ELMO1: variants seen among roughly 807,000 people sequenced by gnomAD.
The protein encoded by ELMO1 is engulfment and cell motility 1.
ELMO1 carries 26 observed loss-of-function variants against 98.9 expected under a neutral mutation model. That is an observed-to-expected ratio of 0.26 (90% CI 0.19 to 0.36). The LOEUF (loss-of-function observed/expected upper bound fraction) is 0.36, where lower values mean the gene tolerates loss of function less well. Ranked by LOEUF, ELMO1 falls within the 10% of genes least tolerant of loss-of-function variation. The probability of loss-of-function intolerance (pLI) is 1.00; values close to 1 mark genes in which losing one functional copy is unlikely to be tolerated. For missense variants in ELMO1, 627 were observed against 935.2 expected (o/e 0.67, Z 4.30); for synonymous variants, 346 against 346.0 (o/e 1.00, Z 0.00).
intron 15 of ELMO1, among the ~76,000 whole-genome samples, chr7:37,076,142 T>C (rs1326399715): frequency 6.6e-6 from 1 of 152,204 alleles, no homozygotes; most frequent in Non-Finnish European, 1.5e-5. Context: ...GAAACCACTA[T>C]CCAAAATTCA....
chr7:37,119,887 C>T (rs1423606830), intron 14 of ELMO1, among the ~76,000 whole-genome samples: 1 of 152,116 alleles, frequency 6.6e-6, no homozygotes, highest in Non-Finnish European at 1.5e-5. Context: ...AAATGTTAAT[C>T]ATAAATTATG....
intron 15 of ELMO1, among the ~76,000 whole-genome samples, chr7:37,043,131 C>T (rs988212798): frequency 6.6e-6 from 1 of 152,170 alleles, no homozygotes. Flanking sequence ...GCAGACAATG[C>T]CGGGAGCCTC....
chr7:37,325,875 A>G (rs560566014), intron 2 of ELMO1, among the ~76,000 whole-genome samples: 4 of 152,330 alleles, frequency 2.6e-5, no homozygotes, highest in African/African-American at 9.6e-5. Flanking sequence ...TTTAATGTAC[A>G]ATAAGCCATC....
At chr7:37,148,961 T>C (rs73337740) in intron 13 of ELMO1, among the ~76,000 whole-genome samples, 3,002 of 152,316 alleles carry the variant, frequency 0.02, 93 homozygotes, top group African/African-American at 0.068. Flanking sequence ...ACACAGCACA[T>C]GTGCAAACAT....
At chr7:36,902,588 A>G (rs1008151203) in intron 16 of ELMO1, among the ~76,000 whole-genome samples, 16 of 152,318 alleles carry the variant, frequency 1.1e-4, no homozygotes, top group Non-Finnish European at 2.4e-4. Context: ...AACTTTCTCT[A>G]TTGGTTTTCT....
At chr7:36,862,072 A>T in intron 20 of ELMO1, 1 of 284,660 alleles carries the variant, frequency 3.5e-6, no homozygotes, top group Non-Finnish European at 6.8e-6. Context: ...AAACTGTGTT[A>T]TTCTCCTTTC....
At chr7:37,221,626 T>G (rs1019881941) in intron 10 of ELMO1, among the ~76,000 whole-genome samples, 5 of 152,262 alleles carry the variant, frequency 3.3e-5, no homozygotes, top group East Asian at 1.9e-4. Context: ...AAGAAAGAAA[T>G]AAAGGATCTA....
chr7:37,286,905 G>T (rs1797419419), intron 4 of ELMO1, among the ~76,000 whole-genome samples: 1 of 152,102 alleles, frequency 6.6e-6, no homozygotes, highest in Non-Finnish European at 1.5e-5. Flanking sequence ...TTTAAAAATT[G>T]TATCATAGGC....
At chr7:36,925,220 T>C (rs567704078) in intron 16 of ELMO1, among the ~76,000 whole-genome samples, 1 of 152,306 alleles carries the variant, frequency 6.6e-6, no homozygotes, top group East Asian at 1.9e-4. Context: ...CAACTGCCAG[T>C]AGATTTTTAA....
At chr7:36,955,029 C>T (rs187082225) in intron 16 of ELMO1, among the ~76,000 whole-genome samples, 1 of 152,158 alleles carries the variant, frequency 6.6e-6, no homozygotes, top group South Asian at 2.1e-4. Context: ...GATATCAGGA[C>T]TATCAGCTCC....
chr7:37,013,867 C>T (rs77138140), intron 15 of ELMO1, among the ~76,000 whole-genome samples: 9 of 152,306 alleles, frequency 5.9e-5, no homozygotes, highest in Admixed American at 1.3e-4. Context: ...CCTGAATACA[C>T]GATTAATTGC....
chr7:37,263,968 T>C (rs1451562494), intron 5 of ELMO1, among the ~76,000 whole-genome samples: 2 of 152,132 alleles, frequency 1.3e-5, no homozygotes, highest in Admixed American at 6.5e-5. Context: ...TAGCCAAACA[T>C]TGAGCAACCA....
At chr7:37,325,959 A>G (rs956259472) in intron 2 of ELMO1, among the ~76,000 whole-genome samples, 1 of 152,160 alleles carries the variant, frequency 6.6e-6, no homozygotes, top group Non-Finnish European at 1.5e-5. Flanking sequence ...TCTTCTTCCA[A>G]TGATCCTACC....
chr7:36,962,328 T>C (rs1308557783), intron 16 of ELMO1, among the ~76,000 whole-genome samples: 1 of 152,136 alleles, frequency 6.6e-6, no homozygotes, highest in African/African-American at 2.4e-5. Context: ...TTGAAGTGTA[T>C]CTAGAAAACA....
intron 15 of ELMO1, among the ~76,000 whole-genome samples, chr7:37,073,715 T>G (rs1797407225): frequency 6.6e-6 from 1 of 152,002 alleles, no homozygotes; most frequent in South Asian, 2.1e-4. Context: ...CCTGGGTCTG[T>G]GCTAGGACTA....
chr7:37,347,506 A>G (rs1054573052), intron 1 of ELMO1, among the ~76,000 whole-genome samples: 2 of 96,226 alleles, frequency 2.1e-5, no homozygotes, highest in African/African-American at 7.8e-5. Flanking sequence ...TTACGGTACT[A>G]TTCTTATGGT....
chr7:37,233,305 G>T, intron 7 of ELMO1, 111 bp from the exon 8 acceptor site: 1 of 856,534 alleles, frequency 1.2e-6, no homozygotes, highest in Non-Finnish European at 1.8e-6. Flanking sequence ...AAGATCAAGA[G>T]ACAAATAGCA....
At chr7:37,049,309 G>A (rs1795973849) in intron 15 of ELMO1, among the ~76,000 whole-genome samples, 1 of 152,092 alleles carries the variant, frequency 6.6e-6, no homozygotes, top group Admixed American at 6.5e-5. Context: ...TTCAGCTCTT[G>A]GGCCGGGATT....
At chr7:37,382,358 T>C (rs1583659259) in intron 1 of ELMO1, among the ~76,000 whole-genome samples, 1 of 152,368 alleles carries the variant, frequency 6.6e-6, no homozygotes, top group African/African-American at 2.4e-5. Flanking sequence ...CACAGTAACT[T>C]TATCTCGCTT....
Sources: allele counts gnomAD v4.1 joint callset (sites outside exome capture counted in the v4.1 genomes callset), GRCh38; gene constraint gnomAD v4.1.1; transcripts MANE v1.5; gene names NCBI Gene and HGNC (gene_info 2026-07-23, HGNC 2026-07-21).